The following ZNF705B variants were observed in gnomAD, a reference collection of about 807,000 sequenced individuals.
ZNF705B encodes Putative zinc finger protein 705D-like protein LOC100132396.
A neutral mutation model predicts 10.5 loss-of-function variants in ZNF705B; 1 was observed. That is an observed-to-expected ratio of 0.10 (90% confidence interval 0.03 to 0.45). The LOEUF (loss-of-function observed/expected upper bound fraction) is 0.45, where lower values mean the gene tolerates loss of function less well. ZNF705B is among the 20% of genes least tolerant of loss of function. The pLI is 0.97. For synonymous variants in ZNF705B, 4 were observed against 25.4 expected, an observed-to-expected ratio of 0.16 and a Z score of 2.53; for missense variants, 14 against 84.0, an observed-to-expected ratio of 0.17 and a Z score of 3.26.
At chr8:7,937,303 A>G (rs559250219) in intron 2 of ZNF705B, among the ~76,000 whole-genome samples, 1,293 of 113,440 alleles carry the variant, frequency 0.011, 39 homozygotes, top group Middle Eastern at 0.023. Flanking sequence ...TTCTGCTTCA[A>G]TGTCTACCTA....
At chr8:7,927,507 G>C (rs1482805565) in intron 1 of ZNF705B, among the ~76,000 whole-genome samples, 1 of 120,454 alleles carries the variant, frequency 8.3e-6, no homozygotes, top group Non-Finnish European at 2.0e-5. Flanking sequence ...CTTTTTGATG[G>C]GGTTGAAACT....
chr8:7,931,558 C>T (rs1819849266), intron 2 of ZNF705B, among the ~76,000 whole-genome samples: 1 of 121,978 alleles, frequency 8.2e-6, no homozygotes, highest in African/African-American at 2.5e-5. Flanking sequence ...GTGGGTTGAT[C>T]CCCAGCGTCC....
intron 2 of ZNF705B, among the ~76,000 whole-genome samples, chr8:7,937,089 C>A (rs1820035906): frequency 8.7e-6 from 1 of 114,998 alleles, no homozygotes; most frequent in South Asian, 3.0e-4. Context: ...TGAACATAGG[C>A]TGTCTTGTCT....
intron 2 of ZNF705B, among the ~76,000 whole-genome samples, chr8:7,935,291 A>G (rs1335206825): frequency 7.0e-6 from 1 of 143,482 alleles, no homozygotes; most frequent in Non-Finnish European, 1.6e-5. Flanking sequence ...TAAGAGTGAA[A>G]CATTCAAGGT....
intron 1 of ZNF705B, among the ~76,000 whole-genome samples, chr8:7,930,044 A>G (rs1261510785): frequency 2.9e-5 from 3 of 104,650 alleles, no homozygotes; most frequent in African/African-American, 8.2e-5. Flanking sequence ...TTACATGGGA[A>G]TATGGTATTA....
At chr8:7,932,440 C>A (rs1343218901) in intron 2 of ZNF705B, among the ~76,000 whole-genome samples, 6 of 121,460 alleles carry the variant, frequency 4.9e-5, no homozygotes, top group Non-Finnish European at 7.9e-5. Context: ...AGTCAGCCAT[C>A]TTGAAGGCCA....
intron 1 of ZNF705B, among the ~76,000 whole-genome samples, chr8:7,929,652 G>A (rs1315498722): frequency 2.5e-5 from 3 of 120,284 alleles, no homozygotes; most frequent in African/African-American, 7.6e-5. Context: ...ATTTGAATCA[G>A]GAATGCAAGC....
chr8:7,941,139 G>T (rs1393366857), intron 2 of ZNF705B, among the ~76,000 whole-genome samples: 6 of 147,164 alleles, frequency 4.1e-5, no homozygotes, highest in Non-Finnish European at 4.5e-5. Flanking sequence ...GAATAGTGCT[G>T]CAATGAACAT....
chr8:7,928,778 ACTC>A (rs1819765751), intron 1 of ZNF705B, among the ~76,000 whole-genome samples: 1 of 97,600 alleles, frequency 1.0e-5, no homozygotes, highest in African/African-American at 2.8e-5. Flanking sequence ...CAAACATTGA[ACTC>A]AACCAAGGAA....
At chr8:7,932,107 A>G (rs1819865044) in intron 2 of ZNF705B, among the ~76,000 whole-genome samples, 1 of 120,762 alleles carries the variant, frequency 8.3e-6, no homozygotes, top group Non-Finnish European at 2.0e-5. Flanking sequence ...ACCATCACAT[A>G]GACTCCAGGC....
chr8:7,931,314 A>G (rs1273273283), intron 2 of ZNF705B, among the ~76,000 whole-genome samples: 1 of 121,618 alleles, frequency 8.2e-6, no homozygotes, highest in African/African-American at 2.5e-5. Context: ...TGATGGACAG[A>G]GTAGTCCTCA....
intron 2 of ZNF705B, among the ~76,000 whole-genome samples, chr8:7,937,305 G>A (rs1433279015): frequency 8.8e-6 from 1 of 113,548 alleles, no homozygotes; most frequent in African/African-American, 2.6e-5. Context: ...CTGCTTCAAT[G>A]TCTACCTAAG....
Position 7,930,633 on chromosome 8 carries a change from TC to T in ZNF705B, c.-72+200del, listed in dbSNP as rs568285132. 6.7e-3 allele frequency among the ~76,000 whole-genome samples: 678 copies of T among 101,442 alleles called. 1 individual carries two copies. Among genetic ancestry groups the T allele is most frequent in the African/African-American group, 0.018 (630 of 35,554 alleles). 66.5% of individuals were successfully genotyped at this position (101,442 alleles called of 152,430 possible). ...AAGCTTAAAGAAATTTAAAATTTTT[TC>T]CCAAGATTACATTCATCTAGTTGTT... On this transcript the variant is annotated intron_variant, in intron 2 of 6. Transcript: ENST00000400120.
At chr8:7,940,295 A>G (rs1820113190) in intron 2 of ZNF705B, among the ~76,000 whole-genome samples, 1 of 149,150 alleles carries the variant, frequency 6.7e-6, no homozygotes, top group Non-Finnish European at 1.5e-5. Context: ...ATTACATTTA[A>G]AAAGCTGTAC....
rs976704687 is a variant in ZNF705B, at chr8:7,931,298, G to A, written c.-72+862G>A. On this transcript the variant is annotated intron_variant, in intron 2 of 6. Coordinates refer to ENST00000400120, the MANE Select transcript of ZNF705B (RefSeq NM_001193630.1). ...GCATGTGCAGACACCAACAGTCATG[G>A]CAACATGATGGACAGAGTAGTCCTC... Among the ~76,000 whole-genome samples the A allele has an allele frequency of 2.8e-3, 339 of 121,594 alleles. 91 individuals are homozygous for A. The highest frequency in any genetic ancestry group is 3.7e-3 in the Non-Finnish European group (189 of 50,558). 79.8% of individuals were successfully genotyped at this position (121,594 alleles called of 152,430 possible).
chr8:7,931,005 G>C (rs1354438267), intron 2 of ZNF705B, among the ~76,000 whole-genome samples: 1 of 120,464 alleles, frequency 8.3e-6, no homozygotes, highest in African/African-American at 2.5e-5. Context: ...ACAGGCATGC[G>C]CCTCCATGCC....
At chr8:7,931,005 G>T (rs1354438267) in intron 2 of ZNF705B, among the ~76,000 whole-genome samples, 1 of 120,466 alleles carries the variant, frequency 8.3e-6, no homozygotes, top group African/African-American at 2.5e-5. Context: ...ACAGGCATGC[G>T]CCTCCATGCC....
rs866600065 is a variant in ZNF705B at position 7,931,274 on chromosome 8, C to T, written c.-72+838C>T. Reference sequence around the variant, plus strand: ...GGTCAACTCTCGTGACCCCAGATGGCATGTGCAGACACCAACAGTCATGGC... The same window carrying T: ...GGTCAACTCTCGTGACCCCAGATGGTATGTGCAGACACCAACAGTCATGGC... On this transcript the variant is annotated intron_variant, in intron 2 of 6. Coordinates refer to ENST00000400120, the MANE Select transcript of ZNF705B (RefSeq NM_001193630.1). Among the ~76,000 whole-genome samples the T allele has an allele frequency of 4.8e-3, 586 of 121,162 alleles. 24 individuals are homozygous for T. The highest frequency in any genetic ancestry group is 0.014 in the African/African-American group (549 of 39,690). The allele number at this position is 121,162 out of a possible 152,430, so 79.5% of individuals were successfully genotyped here. A position where few individuals can be genotyped will look rare whatever the true frequency, so the allele number is the denominator to read the frequency against.
intron 1 of ZNF705B, among the ~76,000 whole-genome samples, chr8:7,928,444 C>A (rs1206888463): frequency 8.3e-6 from 1 of 120,772 alleles, no homozygotes; most frequent in African/African-American, 2.5e-5. Flanking sequence ...CTGCTAGGTA[C>A]TTCTCAGGGG....
Sources: gnomAD v4.1 joint callset for allele counts (sites outside exome capture counted in the v4.1 genomes callset) on GRCh38, gnomAD v4.1.1 for gene constraint, MANE v1.5 for transcripts, NCBI Gene and HGNC (gene_info 2026-07-23, HGNC 2026-07-21) for gene names.